The following PTPRN2 variants were observed in gnomAD, a reference collection of about 807,000 sequenced individuals.
The protein encoded by PTPRN2 is protein tyrosine phosphatase receptor type N2.
PTPRN2 carries 74 observed loss-of-function variants against 118.8 expected under a neutral mutation model. The observed-to-expected ratio is 0.62, with a 90% CI of 0.52 to 0.76. The LOEUF (loss-of-function observed/expected upper bound fraction) is 0.76, where lower values mean the gene tolerates loss of function less well. Among genes scored for constraint, PTPRN2 ranks in the 30% least tolerant of loss-of-function variants. The pLI is 0.00. For missense variants in PTPRN2, 1,481 were observed against 1,394.4 expected (o/e 1.06, Z -0.99); for synonymous variants, 641 against 608.0 (o/e 1.05, Z -0.80).
intron 2 of PTPRN2, among the ~76,000 whole-genome samples, chr7:158,350,565 T>C (rs1212747697): frequency 6.6e-6 from 1 of 151,904 alleles, no homozygotes; most frequent in Non-Finnish European, 1.5e-5. Flanking sequence ...TGACTTAGAG[T>C]CCCATAACAC....
chr7:158,156,571 A>C (rs1407845665), intron 6 of PTPRN2, among the ~76,000 whole-genome samples: 1 of 152,232 alleles, frequency 6.6e-6, no homozygotes, highest in Non-Finnish European at 1.5e-5. Flanking sequence ...AGTTCTAGAA[A>C]TGCCGGTGGA....
At chr7:158,047,424 C>G (rs1480336449) in intron 11 of PTPRN2, among the ~76,000 whole-genome samples, 1 of 152,256 alleles carries the variant, frequency 6.6e-6, no homozygotes, top group African/African-American at 2.4e-5. Flanking sequence ...CACTGCACAC[C>G]TCAGGGAAGG....
chr7:157,921,168 A>G (rs1434663133), intron 11 of PTPRN2, among the ~76,000 whole-genome samples: 3 of 152,202 alleles, frequency 2.0e-5, no homozygotes, highest in Non-Finnish European at 4.4e-5. Flanking sequence ...CCGTCAAACC[A>G]TGACACAGGG....
intron 12 of PTPRN2, among the ~76,000 whole-genome samples, chr7:157,789,680 A>G (rs73165851): frequency 6.2e-5 from 4 of 65,010 alleles, no homozygotes; most frequent in East Asian, 6.8e-4. Flanking sequence ...GTGTGCATGT[A>G]TGTGTGTGGG....
intron 3 of PTPRN2, among the ~76,000 whole-genome samples, chr7:158,223,062 AC>A (rs1459851000): frequency 2.0e-5 from 3 of 152,158 alleles, no homozygotes; most frequent in Non-Finnish European, 2.9e-5. Context: ...ACACACATAA[AC>A]CTGACAACAT....
chr7:157,936,553 C>T (rs114996954), intron 11 of PTPRN2, among the ~76,000 whole-genome samples: 69 of 142,728 alleles, frequency 4.8e-4, no homozygotes, highest in African/African-American at 1.6e-3. Context: ...GTCTCCTCCA[C>T]TCGGAAGCCA....
At chr7:158,152,309 T>C (rs1043077107) in intron 6 of PTPRN2, among the ~76,000 whole-genome samples, 15 of 151,674 alleles carry the variant, frequency 9.9e-5, no homozygotes, top group Admixed American at 9.8e-4. Context: ...AAAGCCTCAT[T>C]GAGAAGGTGA....
At chr7:157,951,894 T>C (rs1800834561) in intron 11 of PTPRN2, among the ~76,000 whole-genome samples, 3 of 152,164 alleles carry the variant, frequency 2.0e-5, no homozygotes, top group Admixed American at 2.0e-4. Flanking sequence ...CCTCTCTTCA[T>C]TGGCCCCGCC....
chr7:158,303,049 T>C (rs1016978475), intron 3 of PTPRN2, among the ~76,000 whole-genome samples: 1 of 151,848 alleles, frequency 6.6e-6, no homozygotes, highest in Non-Finnish European at 1.5e-5. Flanking sequence ...AAAATATAGC[T>C]ACTGTGTTTA....
intron 12 of PTPRN2, among the ~76,000 whole-genome samples, chr7:157,707,666 C>T (rs990483692): frequency 6.6e-6 from 1 of 152,122 alleles, no homozygotes; most frequent in African/African-American, 2.4e-5. Context: ...TCACTGCAAC[C>T]TCCGCCTCCT....
chr7:157,563,736 G>A (rs1345066608), intron 21 of PTPRN2, among the ~76,000 whole-genome samples: 6 of 139,676 alleles, frequency 4.3e-5, no homozygotes, highest in Non-Finnish European at 7.6e-5. Flanking sequence ...TCAGGACCAC[G>A]TGCTCCCACA....
intron 12 of PTPRN2, among the ~76,000 whole-genome samples, chr7:157,816,165 AC>A (rs1377505257): frequency 1.3e-5 from 2 of 151,372 alleles, no homozygotes; most frequent in Non-Finnish European, 2.9e-5. Context: ...CAGCCCAGAG[AC>A]CCCCCAGCCC....
At chr7:158,177,733 T>C (rs1343301866) in intron 5 of PTPRN2, among the ~76,000 whole-genome samples, 7 of 152,250 alleles carry the variant, frequency 4.6e-5, no homozygotes. Flanking sequence ...CTGAGTAGCA[T>C]TCCATTTTGT....
chr7:157,955,254 C>T (rs1801110710), intron 11 of PTPRN2, among the ~76,000 whole-genome samples: 1 of 152,184 alleles, frequency 6.6e-6, no homozygotes, highest in Non-Finnish European at 1.5e-5. Context: ...GCCAAACATA[C>T]TCTATATTTG....
chr7:157,574,936 A>G (rs188528563), intron 19 of PTPRN2, among the ~76,000 whole-genome samples: 49 of 152,262 alleles, frequency 3.2e-4, no homozygotes, highest in African/African-American at 1.2e-3. Flanking sequence ...AAAGCTTTCT[A>G]CTCTGACGTG....
rs918321229 is a variant in PTPRN2, at chr7:157,861,059, G to A, written c.1788+37614C>T. ...GGCAGGGTGACCTTCTCTTTCTTGTGGGGGTTGGAAGAGGAACCCCACGGC... is the reference window on the plus strand; with the variant it reads ...GGCAGGGTGACCTTCTCTTTCTTGTAGGGGTTGGAAGAGGAACCCCACGGC... On this transcript the variant is annotated intron_variant, in intron 12 of 22. Coordinates refer to ENST00000389418, the MANE Select transcript of PTPRN2 (RefSeq NM_002847.5). The surrounding 1 kb of genome is among the most constrained non-coding windows in gnomAD (Gnocchi z 5.8). 6.6e-6 allele frequency among the ~76,000 whole-genome samples: 1 copy of A among 152,168 alleles called. No homozygotes were observed. Among genetic ancestry groups the A allele is most frequent in the African/African-American group, 2.4e-5 (1 of 41,432 alleles).
At chr7:158,114,954 G>A (rs1182256795) in intron 9 of PTPRN2, among the ~76,000 whole-genome samples, 1 of 152,164 alleles carries the variant, frequency 6.6e-6, no homozygotes, top group Non-Finnish European at 1.5e-5. Flanking sequence ...AACTACATGG[G>A]TGCTCCTCAC....
intron 14 of PTPRN2, among the ~76,000 whole-genome samples, chr7:157,654,890 C>T (rs1805968173): frequency 6.6e-6 from 1 of 152,232 alleles, no homozygotes; most frequent in African/African-American, 2.4e-5. Context: ...ATGTCTTTGG[C>T]TGATGGGTTT....
intron 12 of PTPRN2, among the ~76,000 whole-genome samples, chr7:157,703,710 C>A (rs1377016974): frequency 6.6e-6 from 1 of 152,112 alleles, no homozygotes; most frequent in African/African-American, 2.4e-5. Flanking sequence ...TGCGGTCCAA[C>A]CCCCACCTCA....
Sources: gnomAD v4.1 joint callset for allele counts (sites outside exome capture counted in the v4.1 genomes callset) on GRCh38, gnomAD v4.1.1 for gene constraint, Gnocchi (gnomAD v3.1) non-coding constraint, MANE v1.5 for transcripts, NCBI Gene and HGNC (gene_info 2026-07-23, HGNC 2026-07-21) for gene names.